The following FAM193B variants were observed in gnomAD, a reference collection of about 807,000 sequenced individuals.
FAM193B encodes protein FAM193B.
Under a neutral mutation model 70.7 loss-of-function variants are expected in FAM193B, and 27 were observed. The observed-to-expected ratio is 0.38, with a 90% CI of 0.28 to 0.53. The LOEUF is 0.53. Ranked by LOEUF, FAM193B falls within the 20% of genes least tolerant of loss-of-function variation. The pLI, the probability that FAM193B is intolerant of heterozygous loss-of-function variation, is 0.81. For missense variants in FAM193B, 1,022 were observed against 1,072.5 expected (o/e 0.95, Z 0.66); for synonymous variants, 448 against 436.0 (o/e 1.03, Z -0.34).
intron 1 of FAM193B, chr5:177,539,386 C>T (rs1023741173): frequency 4.6e-5 from 22 of 478,386 alleles, no homozygotes; most frequent in East Asian, 3.5e-4. Flanking sequence ...TAAAAGCTAG[C>T]GAGTGGTTGA....
chr5:177,524,142 G>C, intron 6 of FAM193B, 43 bp downstream of exon 6: 1 of 1,596,304 alleles, frequency 6.3e-7, no homozygotes. Flanking sequence ...CCCGTGGACT[G>C]GCTGGGGTAG....
In FAM193B at chr5:177,532,406, GC is replaced by G; in HGVS notation, c.1275+36del. 1 of 1,581,076 alleles carries G rather than the reference GC, an allele frequency of 6.3e-7. No homozygotes were observed. Among genetic ancestry groups the G allele is most frequent in the Middle Eastern group, 1.7e-4 (1 of 5,986 alleles). On this transcript the variant is annotated intron_variant, in intron 5 of 8. Transcript: ENST00000514747. The surrounding 1 kb of genome is among the most constrained non-coding windows in gnomAD (Gnocchi z 4.9). The stretch of plus-strand genomic sequence containing the variant: ...GTGCTCCTTTTGCTCACCTTGGCTG[GC>G]CCCCAGCCCTCTCTAGCCTGGGCAG...
intron 1 of FAM193B, chr5:177,553,347 C>A: frequency 1.0e-6 from 1 of 992,558 alleles, no homozygotes; most frequent in Non-Finnish European, 1.2e-6. Flanking sequence ...AGGAGCCTGC[C>A]TTCCTGGGCA....
intron 1 of FAM193B, among the ~76,000 whole-genome samples, chr5:177,548,366 T>C (rs910547702): frequency 6.6e-6 from 1 of 152,206 alleles, no homozygotes; most frequent in African/African-American, 2.4e-5. Context: ...AGGTAAGTGT[T>C]TGGATACACA....
chr5:177,553,785 G>A, intron 1 of FAM193B: 3 of 1,287,336 alleles, frequency 2.3e-6, no homozygotes, highest in Middle Eastern at 3.1e-4. Context: ...GCTGCTGAGG[G>A]GGCCGCGGCT....
intron 5 of FAM193B, among the ~76,000 whole-genome samples, chr5:177,526,112 C>G (rs1762563418): frequency 6.6e-6 from 1 of 152,152 alleles, no homozygotes; most frequent in Non-Finnish European, 1.5e-5. Flanking sequence ...TGAGAGAAAC[C>G]AGGGCTTGCT....
Position 177,537,887 on chromosome 5 carries a change from G to A in FAM193B, c.674C>T (p.Pro225Leu). Residue 225 changes from proline (P) to leucine (L), a missense_variant, in exon 3 of 9, where the codon CCT (proline) becomes CTT (leucine). Coordinates refer to ENST00000514747, the MANE Select transcript of FAM193B (RefSeq NM_001190946.3). ...TGGAGACTCACCGGGGATGGTAGGA[G>A]GACTCCCAAGAGAGCTGCCTGGCAT... ...GAMPGSSLGS[P>L]PTIPGEAFPV... 1 of 1,607,984 alleles carries A rather than the reference G, an allele frequency of 6.2e-7. No homozygotes were observed.
chr5:177,541,519 C>T (rs1191099559), intron 1 of FAM193B, among the ~76,000 whole-genome samples: 1 of 152,194 alleles, frequency 6.6e-6, no homozygotes, highest in East Asian at 1.9e-4. Context: ...CCCAGGTTCA[C>T]GCCATTCTCC....
chr5:177,554,182 C>G, intron 1 of FAM193B, 67 bp downstream of exon 1: 8 of 1,470,382 alleles, frequency 5.4e-6, no homozygotes, highest in Non-Finnish European at 7.2e-6. Context: ...AACCCCGCCC[C>G]ACTCCCGCTC....
intron 5 of FAM193B, among the ~76,000 whole-genome samples, chr5:177,525,710 T>C (rs1186361953): frequency 6.6e-6 from 1 of 152,254 alleles, no homozygotes; most frequent in Non-Finnish European, 1.5e-5. Context: ...GAGAGGCCAC[T>C]TGCTGCACAT....
chr5:177,531,538 G>T, intron 5 of FAM193B: 2 of 1,282,076 alleles, frequency 1.6e-6, no homozygotes, highest in Non-Finnish European at 1.0e-6. Flanking sequence ...GTGGGGGGGA[G>T]GTGCTGACAT....
intron 1 of FAM193B, 80 bp downstream of exon 1, chr5:177,554,169 C>G (rs1193149025): frequency 6.8e-7 from 1 of 1,460,528 alleles, no homozygotes; most frequent in Admixed American, 2.2e-5. Context: ...ATGGCCCATC[C>G]CCAACCCCGC....
At chr5:177,551,709 C>T (rs958071578) in intron 1 of FAM193B, among the ~76,000 whole-genome samples, 1 of 152,200 alleles carries the variant, frequency 6.6e-6, no homozygotes, top group Non-Finnish European at 1.5e-5. Flanking sequence ...TTACAACAAG[C>T]CTGTGGACTG....
chr5:177,527,454 T>TA (rs758880930), intron 5 of FAM193B, among the ~76,000 whole-genome samples: 18 of 152,174 alleles, frequency 1.2e-4, no homozygotes, highest in Non-Finnish European at 1.8e-4. Context: ...GTGGCATGGA[T>TA]AGGGCTTTTG....
In FAM193B at chr5:177,550,564, A is replaced by G. The variant is rs149730710; in HGVS notation, c.210+3685T>C. 2.1e-3 allele frequency among the ~76,000 whole-genome samples: 321 copies of G among 152,322 alleles called. 3 individuals carry two copies. Among genetic ancestry groups the G allele is most frequent in the South Asian group, 0.021 (101 of 4,826 alleles). On this transcript the variant is annotated intron_variant, in intron 1 of 8. Coordinates refer to ENST00000514747, the MANE Select transcript of FAM193B (RefSeq NM_001190946.3). ...GGCAAAGTCCCAGAGGACAATGTGG[A>G]GGGAACAAGAGGTGGGGAAGGGTAG...
At position 177,553,822 on chromosome 5, in the gene FAM193B, G is replaced by A. The variant is rs1356390045; in HGVS notation, c.210+427C>T. On this transcript the variant is annotated intron_variant, in intron 1 of 8. Coordinates refer to ENST00000514747, the MANE Select transcript of FAM193B (RefSeq NM_001190946.3). ...CAGGCGCTGCAGGGGACGGAGTGGA[G>A]CCGTTCCCGGGGGCAGAGGGAAGAG... 3 of 1,285,304 alleles carry A rather than the reference G, an allele frequency of 2.3e-6. No individual in the cohort carries two copies. The South Asian group carries it at 3.7e-5, about 16-fold the overall frequency. The allele number at this position is 1,285,304 out of a possible 1,614,324, so 79.6% of individuals were successfully genotyped here.
chr5:177,524,251 A>G lies in FAM193B; in HGVS notation c.2230T>C (p.Leu744=). The G allele has an allele frequency of 6.4e-7, 1 of 1,558,258 alleles. No homozygotes were observed. The highest frequency in any genetic ancestry group is 8.7e-7 in the Non-Finnish European group (1 of 1,153,180). The change falls in exon 6 of 9, where the codon TTG becomes CTG. Residue 744 remains leucine, a synonymous_variant. Transcript: ENST00000514747. Reference sequence around the variant, plus strand: ...CGGCTGCGGCCCTTGCCCTGGGGCAAGCTCTGTGGCCTTGCTGGGCCTGAG... The same window carrying G: ...CGGCTGCGGCCCTTGCCCTGGGGCAGGCTCTGTGGCCTTGCTGGGCCTGAG... ...QPSGPARPQS[L]PQGKGRSRRS... is the part of the protein sequence containing the mutation.
At chr5:177,535,912 C>T (rs1275912497) in intron 4 of FAM193B, among the ~76,000 whole-genome samples, 2 of 126,782 alleles carry the variant, frequency 1.6e-5, no homozygotes, top group Non-Finnish European at 3.2e-5. Flanking sequence ...CAAAAAAACC[C>T]CACATACTAT....
At chr5:177,553,308 C>A (rs909241405) in intron 1 of FAM193B, 1 of 988,786 alleles carries the variant, frequency 1.0e-6, no homozygotes, top group Admixed American at 6.1e-5. Flanking sequence ...CCTCATCCGG[C>A]GCCGCATCCG....
Sources: allele counts gnomAD v4.1 joint callset (sites outside exome capture counted in the v4.1 genomes callset), GRCh38; gene constraint gnomAD v4.1.1; non-coding constraint Gnocchi (gnomAD v3.1); transcripts MANE v1.5; gene names NCBI Gene and HGNC (gene_info 2026-07-23, HGNC 2026-07-21).